The following PPFIBP2 variants were observed in gnomAD, a reference collection of about 807,000 sequenced individuals.
The protein encoded by PPFIBP2 is liprin-beta-2.
PPFIBP2 carries 118 observed loss-of-function variants against 118.3 expected under a neutral mutation model. The observed-to-expected ratio is 1.00, with a 90% CI of 0.86 to 1.16. The LOEUF is 1.16. Ranked by LOEUF, PPFIBP2 falls within the 50% of genes most tolerant of loss-of-function variation. PPFIBP2 has a pLI of 0.00. For synonymous variants in PPFIBP2, 414 were observed against 397.4 expected (o/e 1.04, Z -0.50); for missense variants, 1,195 against 1,073.1 (o/e 1.11, Z -1.59).
At position 7,593,340 on chromosome 11, in the gene PPFIBP2, C is replaced by G; in HGVS notation, c.372+116C>G. On this transcript the variant is annotated intron_variant, in intron 4 of 23. Transcript: ENST00000299492. ...TGTTGGAATTTTTCTCCTTCCAATG[C>G]CTATGTTTTTAGAAAAGACTTTTCC... 2.9e-6 allele frequency: 4 copies of G among 1,400,448 alleles called. No individual in the cohort carries two copies. The South Asian group carries it at 5.8e-5, about 20-fold the overall frequency. 86.8% of individuals were successfully genotyped at this position (1,400,448 alleles called of 1,614,324 possible).
chr11:7,555,864 A>G (rs1459834876), intron 2 of PPFIBP2, among the ~76,000 whole-genome samples: 1 of 152,178 alleles, frequency 6.6e-6, no homozygotes, highest in Non-Finnish European at 1.5e-5. Context: ...AGTTGTAGGT[A>G]TAGGAACTGA....
intron 1 of PPFIBP2, among the ~76,000 whole-genome samples, chr11:7,546,175 C>T (rs1488818791): frequency 6.6e-6 from 1 of 152,204 alleles, no homozygotes; most frequent in Non-Finnish European, 1.5e-5. Flanking sequence ...AACTACACAT[C>T]AGCTCCTAGG....
intron 3 of PPFIBP2, among the ~76,000 whole-genome samples, chr11:7,585,213 A>AC (rs1309404823): frequency 6.6e-6 from 1 of 152,174 alleles, no homozygotes; most frequent in Non-Finnish European, 1.5e-5. Flanking sequence ...GTAACTCTTT[A>AC]CCTGGCCAAG....
intron 2 of PPFIBP2, among the ~76,000 whole-genome samples, chr11:7,555,932 G>T (rs1853565150): frequency 2.0e-5 from 3 of 151,994 alleles, no homozygotes; most frequent in Admixed American, 6.5e-5. Flanking sequence ...TCTTTTAATG[G>T]TGTGGACAGG....
At chr11:7,520,155 C>T (rs1849615758) in intron 1 of PPFIBP2, among the ~76,000 whole-genome samples, 1 of 152,192 alleles carries the variant, frequency 6.6e-6, no homozygotes, top group South Asian at 2.1e-4. Context: ...TTAATGAGCG[C>T]CTGGGTGCAG....
Position 7,565,743 on chromosome 11 carries a change from A to G in PPFIBP2, c.255A>G (p.Ile85Met). 6.2e-7 allele frequency: 1 copy of G among 1,614,144 alleles called. No homozygotes were observed. The highest frequency in any genetic ancestry group is 8.5e-7 in the Non-Finnish European group (1 of 1,180,008). Residue 85 changes from isoleucine to methionine, a missense_variant, in exon 3 of 24, where the codon ATA becomes ATG. Physicochemically the swap from Ile to Met is conservative, Grantham distance 10. Coordinates refer to ENST00000299492, the MANE Select transcript of PPFIBP2 (RefSeq NM_003621.5). ...SQIPGPTAAY[I>M]KEWFEESLSQ... is the part of the protein sequence containing the mutation. The stretch of plus-strand genomic sequence containing the variant: ...TCCCTGGCCCAACAGCTGCCTACAT[A>G]AAGGAATGGTTTGAAGAGAGCTTGG...
the PPFIBP2 span, among the ~76,000 whole-genome samples, chr11:7,662,376 G>T: frequency 2.0e-5 from 3 of 152,174 alleles, no homozygotes; most frequent in Non-Finnish European, 4.4e-5. Context: ...TTGCTTGTCT[G>T]TAAAGTGTTT....
chr11:7,517,174 CT>C (rs1431503917), intron 1 of PPFIBP2, among the ~76,000 whole-genome samples: 15 of 152,276 alleles, frequency 9.9e-5, no homozygotes, highest in African/African-American at 3.6e-4. Context: ...ATGAAGATTA[CT>C]GTCCCTACCA....
At chr11:7,523,000 T>A (rs1002819450) in intron 1 of PPFIBP2, among the ~76,000 whole-genome samples, 1 of 151,348 alleles carries the variant, frequency 6.6e-6, no homozygotes, top group South Asian at 2.1e-4. Flanking sequence ...AGTGTTGGAG[T>A]GGGGATGGGG....
At position 7,632,700 on chromosome 11, in the gene PPFIBP2, C is replaced by T. The variant is rs934747343; in HGVS notation, c.1069-167C>T. The T allele has an allele frequency of 5.3e-6, 3 of 568,138 alleles. No individual in the cohort carries two copies. The East Asian group carries it at 9.7e-5, about 18-fold the overall frequency. 35.2% of individuals were successfully genotyped at this position (568,138 alleles called of 1,614,324 possible). On this transcript the variant is annotated intron_variant, in intron 11 of 23. Coordinates refer to ENST00000299492, the MANE Select transcript of PPFIBP2 (RefSeq NM_003621.5). ...CAGATGGACTGATAAGCCTACCACACCCCCTTGCATCTTGAAAGAGCAAGG... is the reference window on the plus strand; with the variant it reads ...CAGATGGACTGATAAGCCTACCACATCCCCTTGCATCTTGAAAGAGCAAGG...
chr11:7,665,417 A>C, the PPFIBP2 span: 1 of 1,608,306 alleles, frequency 6.2e-7, no homozygotes, highest in Non-Finnish European at 8.5e-7. Context: ...CAGCTTCTCC[A>C]GGTTAGGGTG....
chr11:7,584,776 A>C (rs1857833083), intron 3 of PPFIBP2, among the ~76,000 whole-genome samples: 1 of 152,082 alleles, frequency 6.6e-6, no homozygotes, highest in South Asian at 2.1e-4. Flanking sequence ...TTTAAGGTTT[A>C]TGTCTTCTAA....
downstream of PPFIBP2, chr11:7,656,935 C>A: frequency 1.8e-6 from 1 of 565,390 alleles, no homozygotes; most frequent in Non-Finnish European, 3.0e-6. Context: ...TGCTGACAGG[C>A]ATGAAGCAGA....
At position 7,639,835 on chromosome 11, in the gene PPFIBP2, A is replaced by C; in HGVS notation, c.1340A>C (p.Gln447Pro). Residue 447 changes from glutamine to proline, a missense_variant, in exon 15 of 24, where the codon CAG (glutamine) becomes CCG (proline). Physicochemically the swap from Gln to Pro is moderately conservative, Grantham distance 76. Transcript: ENST00000299492. ...GCCAAATCTCCTCCCACCATCTGCC[A>C]GCCTGACGCCACGGGGAGCAGCCTG... The part of the protein sequence containing the change: ...EAAKSPPTIC[Q>P]PDATGSSLLR... The C allele has an allele frequency of 2.5e-6, 4 of 1,614,190 alleles. No homozygotes were observed. Among genetic ancestry groups the C allele is most frequent in the Non-Finnish European group, 3.4e-6 (4 of 1,180,044 alleles).
intron 12 of PPFIBP2, 119 bp downstream of exon 12, chr11:7,633,053 GC>G: frequency 1.1e-6 from 1 of 875,916 alleles, no homozygotes; most frequent in Non-Finnish European, 1.8e-6. Context: ...AGGTGCACCT[GC>G]CCCTCTGTTG....
intron 15 of PPFIBP2, 148 bp downstream of exon 15, chr11:7,640,018 C>A: frequency 1.1e-6 from 1 of 933,232 alleles, no homozygotes; most frequent in Non-Finnish European, 1.4e-6. Flanking sequence ...TTGGGGTGGT[C>A]CCACCTCCCC....
intron 10 of PPFIBP2, among the ~76,000 whole-genome samples, chr11:7,630,162 G>A (rs140781691): frequency 4.6e-4 from 70 of 152,356 alleles, no homozygotes; most frequent in African/African-American, 1.6e-3. Flanking sequence ...GGAAGCAGCT[G>A]TTTCACAGCA....
intron 14 of PPFIBP2, among the ~76,000 whole-genome samples, chr11:7,638,873 C>T (rs980906109): frequency 6.6e-6 from 1 of 152,166 alleles, no homozygotes; most frequent in African/African-American, 2.4e-5. Flanking sequence ...GGCCAGGGTC[C>T]AAGCATGGAG....
rs148097509 is a variant in PPFIBP2 at position 7,569,835 on chromosome 11, G to C, written c.279+4068G>C. The stretch of plus-strand genomic sequence containing the variant: ...GTGATGGGAACAGAGCTGAGTTCTA[G>C]AAAAGGGGCAGCCTCCTCCTTCTCT... On this transcript the variant is annotated intron_variant, in intron 3 of 23. Transcript: ENST00000299492. Among the ~76,000 whole-genome samples the C allele has an allele frequency of 4.5e-3, 682 of 152,322 alleles. 4 individuals are homozygous for C. Among genetic ancestry groups the C allele is most frequent in the Middle Eastern group, 0.017 (5 of 294 alleles).
Sources: gnomAD v4.1 joint callset for allele counts (sites outside exome capture counted in the v4.1 genomes callset) on GRCh38, gnomAD v4.1.1 for gene constraint, MANE v1.5 for transcripts, NCBI Gene and HGNC (gene_info 2026-07-23, HGNC 2026-07-21) for gene names.